RANBP2: variants seen among roughly 807,000 people sequenced by gnomAD.
RANBP2 encodes RAN binding protein 2.
RANBP2 carries 57 observed loss-of-function variants against 303.6 expected under a neutral mutation model. The ratio of observed to expected loss-of-function variants is 0.19; its 90% CI spans 0.15 to 0.23. RANBP2 has a LOEUF of 0.23. Among genes scored for constraint, RANBP2 ranks in the 10% least tolerant of loss-of-function variants. The pLI, the probability that RANBP2 is intolerant of heterozygous loss-of-function variation, is 1.00. For synonymous variants in RANBP2, 1,167 were observed against 1,301.5 expected (o/e 0.90, Z 2.23); for missense variants, 3,138 against 3,780.8 (o/e 0.83, Z 4.46).
At chr2:109,512,020 T>C in the RANBP2 span, among the ~76,000 whole-genome samples, 1 of 152,258 alleles carries the variant, frequency 6.6e-6, no homozygotes, top group East Asian at 1.9e-4. Context: ...TTGAGCTGAG[T>C]GCCAGACCCA....
the RANBP2 span, among the ~76,000 whole-genome samples, chr2:109,195,387 G>T: frequency 6.6e-6 from 1 of 152,226 alleles, no homozygotes; most frequent in Non-Finnish European, 1.5e-5. Flanking sequence ...CTGCCCTCTG[G>T]GACCAGGCAG....
the RANBP2 span, chr2:109,615,481 C>G: frequency 1.2e-6 from 2 of 1,613,528 alleles, no homozygotes; most frequent in African/African-American, 1.3e-5. Flanking sequence ...CACCAGCTGC[C>G]GGTGAACATC....
chr2:108,813,050 C>A, the RANBP2 span: 1 of 677,950 alleles, frequency 1.5e-6, no homozygotes. Context: ...GAGATCGAGA[C>A]CATCCTGGCC....
At chr2:109,615,288 CT>C in the RANBP2 span, 2 of 1,594,878 alleles carry the variant, frequency 1.3e-6, no homozygotes, top group South Asian at 2.3e-5. Flanking sequence ...GCTGGACCCC[CT>C]GGAGCACGCG....
chr2:109,012,630 T>A, the RANBP2 span, among the ~76,000 whole-genome samples: 1 of 152,120 alleles, frequency 6.6e-6, no homozygotes. Context: ...TTAAACTTCA[T>A]TCGGCCAGGC....
chr2:108,731,849 A>T (rs1177360922), intron 4 of RANBP2: 1 of 223,168 alleles, frequency 4.5e-6, no homozygotes, highest in African/African-American at 2.4e-5. Context: ...TTTTCTAATA[A>T]CTATTGTCTG....
the RANBP2 span, among the ~76,000 whole-genome samples, chr2:108,900,133 C>A: frequency 1.3e-5 from 2 of 152,126 alleles, no homozygotes; most frequent in African/African-American, 2.4e-5. Flanking sequence ...GAAATATGTT[C>A]AAGTGACCCA....
Position 108,780,547 on chromosome 2 carries a change from A to T in RANBP2, c.8600-722A>T, listed in dbSNP as rs570274869. ...ACTGCTAACTTTTTTTTTTTTTTTT[A>T]AAGACAGAATCTTGCTCTGTTGCCC... is the stretch of plus-strand genomic sequence containing the variant. On this transcript the variant is annotated intron_variant, in intron 25 of 28. Transcript: ENST00000283195. Among the ~76,000 whole-genome samples, 699 of 137,360 alleles carry T rather than the reference A, an allele frequency of 5.1e-3. 5 individuals carry two copies. In the Middle Eastern group the frequency reaches 0.061, roughly 12 times the overall value. 90.1% of individuals were successfully genotyped at this position (137,360 alleles called of 152,430 possible). A position where few individuals can be genotyped will look rare whatever the true frequency, so the allele number is the denominator to read the frequency against.
the RANBP2 span, among the ~76,000 whole-genome samples, chr2:109,089,584 C>T: frequency 1.5e-4 from 23 of 152,078 alleles, no homozygotes; most frequent in Admixed American, 2.0e-4. Context: ...CCAGCCTGGG[C>T]GACAGAGCAA....
chr2:109,133,937 T>C, the RANBP2 span, among the ~76,000 whole-genome samples: 1 of 152,142 alleles, frequency 6.6e-6, no homozygotes, highest in Non-Finnish European at 1.5e-5. Flanking sequence ...TTGGCTGTGT[T>C]ACAGAGGACG....
chr2:109,093,406 TAAAAAA>T, the RANBP2 span, among the ~76,000 whole-genome samples: 4 of 90,724 alleles, frequency 4.4e-5, no homozygotes, highest in Non-Finnish European at 6.5e-5. Context: ...CGGAGATTTG[TAAAAAA>T]AAAAAAAAAA....
At chr2:109,267,374 C>T in the RANBP2 span, among the ~76,000 whole-genome samples, 2 of 152,146 alleles carry the variant, frequency 1.3e-5, no homozygotes, top group Middle Eastern at 3.2e-3. Flanking sequence ...GATCACTGTG[C>T]GCTTTGTACA....
the RANBP2 span, among the ~76,000 whole-genome samples, chr2:109,303,040 C>G: frequency 6.6e-6 from 1 of 152,268 alleles, no homozygotes; most frequent in South Asian, 2.1e-4. Flanking sequence ...CCATGCCCTA[C>G]TAATTTTGTA....
the RANBP2 span, among the ~76,000 whole-genome samples, chr2:109,066,690 G>A: frequency 6.6e-6 from 1 of 152,162 alleles, no homozygotes; most frequent in Non-Finnish European, 1.5e-5. Context: ...AGTCCCCTGG[G>A]GAAGTAATCA....
chr2:109,334,916 G>T, the RANBP2 span, among the ~76,000 whole-genome samples: 1,277 of 152,246 alleles, frequency 8.4e-3, 15 homozygotes, highest in East Asian at 0.045. Flanking sequence ...TGCTTTTTAG[G>T]CTGGCCTTCC....
chr2:109,135,152 T>C, the RANBP2 span, among the ~76,000 whole-genome samples: 1 of 152,192 alleles, frequency 6.6e-6, no homozygotes, highest in African/African-American at 2.4e-5. Context: ...TTTCTTCCCC[T>C]TGTACTTAGT....
rs201380436 is a variant in RANBP2 at position 108,771,730 on chromosome 2, C to T, written c.7879C>T (p.Pro2627Ser). The change falls in exon 21 of 29, where the codon CCC (proline) becomes TCC (serine). Residue 2627 changes from proline (P) to serine (S), a missense_variant. Coordinates refer to ENST00000283195, the MANE Select transcript of RANBP2 (RefSeq NM_006267.5). ...AGAGAAGAAAAAACCTGAAGATTCT[C>T]CCTCAGATGATGATGTTCTCATTGT... ...AKEKKKPEDSPSDDDVLIVYE... is the reference protein window; with the variant it reads ...AKEKKKPEDSSSDDDVLIVYE... The T allele has an allele frequency of 5.6e-6, 9 of 1,613,632 alleles. No individual in the cohort carries two copies. Among genetic ancestry groups the T allele is most frequent in the East Asian group, 2.2e-5 (1 of 44,854 alleles).
chr2:109,544,168 T>C, the RANBP2 span: 1 of 1,575,440 alleles, frequency 6.3e-7, no homozygotes, highest in Admixed American at 1.8e-5. Context: ...AAAGTACTTT[T>C]CCATAAATAT....
At chr2:109,017,704 A>G in the RANBP2 span, among the ~76,000 whole-genome samples, 11 of 152,072 alleles carry the variant, frequency 7.2e-5, no homozygotes, top group African/African-American at 2.4e-4. Context: ...ATATTTTAGC[A>G]TATTGTTGTA....
Sources: gnomAD v4.1 joint callset for allele counts (sites outside exome capture counted in the v4.1 genomes callset) on GRCh38, gnomAD v4.1.1 for gene constraint, MANE v1.5 for transcripts, NCBI Gene and HGNC (gene_info 2026-07-23, HGNC 2026-07-21) for gene names.